Variants in AFDN observed in about 807,000 individuals in gnomAD.
AFDN encodes afadin, adherens junction formation factor.
AFDN carries 68 observed loss-of-function variants against 216.6 expected under a neutral mutation model. The observed-to-expected ratio is 0.31, with a 90% CI of 0.26 to 0.38. The LOEUF is 0.38. AFDN is among the 10% of genes least tolerant of loss of function. AFDN has a pLI of 1.00. For synonymous variants in AFDN, 868 were observed against 853.7 expected (o/e 1.02, Z -0.29); for missense variants, 2,136 against 2,342.0 (o/e 0.91, Z 1.82).
intron 15 of AFDN, chr6:167,911,849 C>T (rs1190831587): frequency 3.4e-6 from 1 of 293,752 alleles, no homozygotes; most frequent in East Asian, 8.1e-5. Flanking sequence ...GCATTTGGTG[C>T]ATTCACAGTG....
In AFDN at chr6:167,907,396, A is replaced by G. The variant is rs139782515; in HGVS notation, c.1769+107A>G. On this transcript the variant is annotated intron_variant, in intron 13 of 33. Transcript: ENST00000683244. ...TAAAGGTTCAGCTGACATGTTTACA[A>G]TGTTAGCAATAATATTTTAAGGGCA... is the stretch of plus-strand genomic sequence containing the variant. 1.9e-4 allele frequency: 158 copies of G among 817,580 alleles called. No individual in the cohort carries two copies. The East Asian group carries it at 3.7e-3, about 19-fold the overall frequency. 50.6% of individuals were successfully genotyped at this position (817,580 alleles called of 1,614,324 possible).
intron 32 of AFDN, among the ~76,000 whole-genome samples, chr6:167,966,859 C>T (rs1007853602): frequency 6.6e-6 from 1 of 152,276 alleles, no homozygotes; most frequent in South Asian, 2.1e-4. Flanking sequence ...CAGAGACCCC[C>T]GTTACAGGGA....
At chr6:167,871,622 G>C (rs971408650) in intron 3 of AFDN, among the ~76,000 whole-genome samples, 1 of 152,130 alleles carries the variant, frequency 6.6e-6, no homozygotes, top group Non-Finnish European at 1.5e-5. Context: ...GCAGGCCATT[G>C]TTCGAGGTTA....
At chr6:167,893,220 TTCTTTCACTAAG>T (rs1787830858) in intron 8 of AFDN, among the ~76,000 whole-genome samples, 1 of 152,248 alleles carries the variant, frequency 6.6e-6, no homozygotes, top group African/African-American at 2.4e-5. Context: ...CAAAGCCATG[TTCTTTCACTAAG>T]TCATGATGTC....
At chr6:167,961,120 T>C (rs941927677) in intron 30 of AFDN, among the ~76,000 whole-genome samples, 1 of 152,194 alleles carries the variant, frequency 6.6e-6, no homozygotes, top group African/African-American at 2.4e-5. Context: ...TTAACATTGT[T>C]ATATTTCTAC....
At chr6:167,843,727 A>G (rs1005053256) in intron 1 of AFDN, among the ~76,000 whole-genome samples, 2 of 152,252 alleles carry the variant, frequency 1.3e-5, no homozygotes, top group African/African-American at 4.8e-5. Flanking sequence ...TTTATTAAAT[A>G]TAAGTAGCTC....
At chr6:167,896,548 TCATATTGCTACTA>T (rs1043871269) in intron 9 of AFDN, among the ~76,000 whole-genome samples, 2 of 152,196 alleles carry the variant, frequency 1.3e-5, no homozygotes, top group Non-Finnish European at 2.9e-5. Context: ...TTGATGAGCT[TCATATTGCTACTA>T]CAGTTGCTCC....
chr6:167,842,792 G>A (rs1273060964), intron 1 of AFDN, among the ~76,000 whole-genome samples: 1 of 152,142 alleles, frequency 6.6e-6, no homozygotes, highest in Non-Finnish European at 1.5e-5. Flanking sequence ...TTTTAGATTG[G>A]CAGTCAATTG....
chr6:167,882,182 GAAAC>G (rs968099293), intron 6 of AFDN, among the ~76,000 whole-genome samples: 7 of 151,840 alleles, frequency 4.6e-5, no homozygotes, highest in African/African-American at 1.2e-4. Context: ...GCTGGAAAAA[GAAAC>G]AGACGGAGAA....
chr6:167,828,792 A>G (rs1214047748), intron 1 of AFDN, among the ~76,000 whole-genome samples: 1 of 137,890 alleles, frequency 7.3e-6, no homozygotes, highest in African/African-American at 2.7e-5. Context: ...TTTTTTTGAG[A>G]GATTTCTCAA....
Position 167,862,436 on chromosome 6 carries a change from C to T in AFDN, c.106-2115C>T, listed in dbSNP as rs551156458. 3.2e-4 allele frequency among the ~76,000 whole-genome samples: 49 copies of T among 151,700 alleles called. 1 individual carries two copies. The South Asian group carries it at 8.8e-3, about 27-fold the overall frequency. On this transcript the variant is annotated intron_variant, in intron 1 of 33. Transcript: ENST00000683244. ...TGTCGCCCAGGCTGGAGTGCAGTGG[C>T]GCGATCTTGGCTGACTGCAACCTCC...
intron 1 of AFDN, among the ~76,000 whole-genome samples, chr6:167,858,061 G>T (rs1171972989): frequency 6.6e-6 from 1 of 152,138 alleles, no homozygotes; most frequent in Non-Finnish European, 1.5e-5. Context: ...GTCTGTGTGG[G>T]TAGTTATTTA....
intron 23 of AFDN, among the ~76,000 whole-genome samples, chr6:167,934,877 G>A (rs999853887): frequency 6.6e-6 from 1 of 152,188 alleles, no homozygotes; most frequent in South Asian, 2.1e-4. Flanking sequence ...TTCTGAAAAG[G>A]TGCAGTAAAA....
At chr6:167,828,739 T>C (rs1779497220) in intron 1 of AFDN, among the ~76,000 whole-genome samples, 1 of 152,012 alleles carries the variant, frequency 6.6e-6, no homozygotes. Context: ...TAAAACATTT[T>C]CTTGGTGTGT....
chr6:167,917,238 T>C lies in AFDN; in HGVS notation c.2709+6T>C, dbSNP rs1331005787. 6.3e-7 allele frequency: 1 copy of C among 1,582,518 alleles called. No individual in the cohort carries two copies. ...ATGAGCCTTTTATCCCAACGGTGAGTGGATGTTGCCACATTACCACACAGT... is the reference window on the plus strand; with the variant it reads ...ATGAGCCTTTTATCCCAACGGTGAGCGGATGTTGCCACATTACCACACAGT... On this transcript the variant is annotated splice_donor_region_variant and intron_variant, in intron 20 of 33. Coordinates refer to ENST00000683244, the MANE Select transcript of AFDN (RefSeq NM_001386888.1).
intron 1 of AFDN, among the ~76,000 whole-genome samples, chr6:167,832,977 A>G (rs891448648): frequency 2.6e-5 from 4 of 152,180 alleles, no homozygotes; most frequent in African/African-American, 7.2e-5. Context: ...TACCAGGACA[A>G]CAGCCATAAA....
intron 2 of AFDN, among the ~76,000 whole-genome samples, chr6:167,866,719 A>G (rs1386605311): frequency 6.6e-6 from 1 of 152,202 alleles, no homozygotes; most frequent in African/African-American, 2.4e-5. Flanking sequence ...TTACAGCGTT[A>G]CGGAAAACCC....
At chr6:167,965,668 G>T in intron 31 of AFDN, 89 bp from the exon 32 acceptor site, 1 of 1,224,958 alleles carries the variant, frequency 8.2e-7, no homozygotes, top group Non-Finnish European at 1.1e-6. Context: ...TCAGTGTGAT[G>T]ATGAGGATTG....
At chr6:167,968,214 A>G (rs1457282761) in intron 32 of AFDN, among the ~76,000 whole-genome samples, 1 of 152,234 alleles carries the variant, frequency 6.6e-6, no homozygotes, top group African/African-American at 2.4e-5. Context: ...CCATGCGGTA[A>G]TTTATCTAAA....
Sources: gnomAD v4.1 joint callset for allele counts (sites outside exome capture counted in the v4.1 genomes callset) on GRCh38, gnomAD v4.1.1 for gene constraint, MANE v1.5 for transcripts, NCBI Gene and HGNC (gene_info 2026-07-23, HGNC 2026-07-21) for gene names.